The following AGGF1 variants were observed in gnomAD, a reference collection of about 807,000 sequenced individuals.
AGGF1 encodes the protein angiogenic factor with G patch and FHA domains 1.
Under a neutral mutation model 86.5 loss-of-function variants are expected in AGGF1, and 56 were observed. The observed-to-expected ratio is 0.65, with a 90% CI of 0.52 to 0.81. The LOEUF (loss-of-function observed/expected upper bound fraction) is 0.81. Ranked by LOEUF, AGGF1 falls within the 30% of genes least tolerant of loss-of-function variation. The pLI is 0.00. For synonymous variants in AGGF1, 313 were observed against 297.1 expected, an observed-to-expected ratio of 1.05 and a Z score of -0.55; for missense variants, 816 against 850.9, an observed-to-expected ratio of 0.96 and a Z score of 0.51.
At chr5:77,032,069 C>T (rs1746864296) in intron 1 of AGGF1, among the ~76,000 whole-genome samples, 1 of 152,066 alleles carries the variant, frequency 6.6e-6, no homozygotes, top group South Asian at 2.1e-4. Flanking sequence ...AGGCTGAACA[C>T]TGAAACGTCA....
At chr5:77,036,260 C>G (rs543505108) in intron 3 of AGGF1, among the ~76,000 whole-genome samples, 48 of 152,182 alleles carry the variant, frequency 3.2e-4, no homozygotes, top group Non-Finnish European at 5.0e-4. Flanking sequence ...AGATCTTTGT[C>G]TTAGCCAATA....
At chr5:77,054,151 G>A (rs754990421) in intron 10 of AGGF1, 21 bp downstream of exon 10, 2 of 1,613,840 alleles carry the variant, frequency 1.2e-6, no homozygotes, top group African/African-American at 2.7e-5. Flanking sequence ...CAGATTAAAT[G>A]TGGCTGTGAT....
chr5:77,036,555 G>A lies in AGGF1; in HGVS notation c.517-1G>A. 6.2e-7 allele frequency: 1 copy of A among 1,613,886 alleles called. No homozygotes were observed. ...ATTTGGCATGACTATATCTTTTATAGGAGCCAGCATCTGCATTAGCAACAG... is the reference window on the plus strand; with the variant it reads ...ATTTGGCATGACTATATCTTTTATAAGAGCCAGCATCTGCATTAGCAACAG... On this transcript the variant is annotated splice_acceptor_variant, in intron 3 of 13. Transcript: ENST00000312916. LOFTEE classifies it high-confidence loss of function.
rs778096366 is a variant in AGGF1, at chr5:77,039,670, TGAA to T, written c.828_830del (p.Lys277del). Reference sequence around the variant, plus strand: ...ACAAAACAAAGTAAAGATAAAAAATTGAAGAAGAAAAGAAAAGATCCAGATTCT... The same window carrying T: ...ACAAAACAAAGTAAAGATAAAAAATTGAAGAAAAGAAAAGATCCAGATTCT... On this transcript the variant is annotated inframe_deletion, in exon 5 of 14. Coordinates refer to ENST00000312916, the MANE Select transcript of AGGF1 (RefSeq NM_018046.5). 3 of 1,611,980 alleles carry T rather than the reference TGAA, an allele frequency of 1.9e-6. No homozygotes were observed. The highest frequency in any genetic ancestry group is 1.1e-5 in the South Asian group (1 of 90,384).
At chr5:77,033,909 C>T (rs1451468946) in intron 1 of AGGF1, among the ~76,000 whole-genome samples, 2 of 152,128 alleles carry the variant, frequency 1.3e-5, no homozygotes, top group Admixed American at 1.3e-4. Context: ...GACAGATGCC[C>T]CTCTCAGGCC....
rs1458270606 is a variant in AGGF1, at chr5:77,055,612, A to G, written c.1716+16A>G. ...TGGTTTACAGGTGAGGATGTTGAAT[A>G]TTGTTTCATTTGTTAAGCTGTATAT... is the stretch of plus-strand genomic sequence containing the variant. On this transcript the variant is annotated intron_variant, in intron 11 of 13. Coordinates refer to ENST00000312916, the MANE Select transcript of AGGF1 (RefSeq NM_018046.5). The G allele has an allele frequency of 6.5e-7, 1 of 1,527,760 alleles. No homozygotes were observed. Among genetic ancestry groups the G allele is most frequent in the Non-Finnish European group, 9.1e-7 (1 of 1,104,372 alleles). The allele number at this position is 1,527,760 out of a possible 1,614,324, so 94.6% of individuals were successfully genotyped here.
intron 10 of AGGF1, among the ~76,000 whole-genome samples, chr5:77,054,793 G>A (rs891465075): frequency 2.0e-5 from 3 of 152,104 alleles, no homozygotes; most frequent in African/African-American, 4.8e-5. Context: ...ATGTATTGAT[G>A]TAAAAAAAGT....
In AGGF1 at chr5:77,030,791, C is replaced by G. The variant is rs1464950524; in HGVS notation, c.25C>G (p.Pro9Ala). Residue 9 changes from proline (P) to alanine (A), a missense_variant, in exon 1 of 14, where the codon CCG (proline) becomes GCG (alanine). Around this residue, in one of 3 missense-constraint regions of AGGF1, gnomAD observed 240 missense variants for 234.4 expected, o/e 1.02. Coordinates refer to ENST00000312916, the MANE Select transcript of AGGF1 (RefSeq NM_018046.5). ...CATGGCCTCGGAGGCGCCGTCCCCGCCGCGGTCGCCGCCGCCGCCCACCTC... is the reference window on the plus strand; with the variant it reads ...CATGGCCTCGGAGGCGCCGTCCCCGGCGCGGTCGCCGCCGCCGCCCACCTC... MASEAPSPPRSPPPPTSPE... is the reference protein window; with the variant it reads MASEAPSPARSPPPPTSPE... 4 of 1,590,658 alleles carry G rather than the reference C, an allele frequency of 2.5e-6. No individual in the cohort carries two copies. Among genetic ancestry groups the G allele is most frequent in the Non-Finnish European group, 3.4e-6 (4 of 1,172,892 alleles).
chr5:77,038,512 T>A (rs1310873766), intron 4 of AGGF1, among the ~76,000 whole-genome samples: 1 of 152,136 alleles, frequency 6.6e-6, no homozygotes, highest in Non-Finnish European at 1.5e-5. Flanking sequence ...ATAAACAGAT[T>A]TAAAAGGTTT....
chr5:77,061,115 T>C (rs56119622), intron 12 of AGGF1, among the ~76,000 whole-genome samples: 18,687 of 152,116 alleles, frequency 0.12, 1,239 homozygotes, highest in East Asian at 0.28. Context: ...TATAAGTATA[T>C]AGCTCAATGA....
At position 77,063,291 on chromosome 5, in the gene AGGF1, A is replaced by C. The variant is rs778393247; in HGVS notation, c.*39A>C. 1.3e-6 allele frequency: 2 copies of C among 1,588,492 alleles called. No individual in the cohort carries two copies. Among genetic ancestry groups the C allele is most frequent in the Non-Finnish European group, 8.6e-7 (1 of 1,162,436 alleles). ...AAAAAAAACCTCTAGTTTTTTTAAAAATAGAATTTGGAAACTTATTTTTTC... is the reference window on the plus strand; with the variant it reads ...AAAAAAAACCTCTAGTTTTTTTAAACATAGAATTTGGAAACTTATTTTTTC... On this transcript the variant is annotated 3_prime_UTR_variant, in exon 14 of 14. Coordinates refer to ENST00000312916, the MANE Select transcript of AGGF1 (RefSeq NM_018046.5).
At chr5:77,057,154 C>T (rs894620037) in intron 11 of AGGF1, among the ~76,000 whole-genome samples, 4 of 152,164 alleles carry the variant, frequency 2.6e-5, no homozygotes, top group Admixed American at 2.6e-4. Flanking sequence ...TCATACACTG[C>T]TGGTGGGAAT....
chr5:77,040,859 T>TCTGTC (rs1392557193), intron 5 of AGGF1, among the ~76,000 whole-genome samples: 1 of 152,166 alleles, frequency 6.6e-6, no homozygotes, highest in Non-Finnish European at 1.5e-5. Flanking sequence ...GTTCTGTCCT[T>TCTGTC]CTGTCCTGTC....
rs759859678 is a variant in AGGF1, at chr5:77,063,238, G to T, written c.2131G>T (p.Gly711Trp). Residue 711 changes from glycine to tryptophan, a missense_variant, in exon 14 of 14, where the codon GGG becomes TGG. Gly to Trp is a radical substitution (Grantham distance 184). Coordinates refer to ENST00000312916, the MANE Select transcript of AGGF1 (RefSeq NM_018046.5). ...DDPGTMPWVKGTLE is the reference protein window; with the variant it reads ...DDPGTMPWVKWTLE ...CCCAGGGACCATGCCTTGGGTAAAA[G>T]GGACTTTAGAGTGAAGGCTAATCAT... 1 of 1,613,660 alleles carries T rather than the reference G, an allele frequency of 6.2e-7. No individual in the cohort carries two copies. The highest frequency in any genetic ancestry group is 8.5e-7 in the Non-Finnish European group (1 of 1,179,772).
At position 77,030,783 on chromosome 5, in the gene AGGF1, C is replaced by A. The variant is rs755297648; in HGVS notation, c.17C>A (p.Pro6Gln). Residue 6 changes from proline (P) to glutamine (Q), a missense_variant, in exon 1 of 14, where the codon CCG becomes CAG. By Grantham distance (76) the Pro-to-Gln change is moderately conservative (BLOSUM62 -1). Around this residue, in one of 3 missense-constraint regions of AGGF1, gnomAD observed 240 missense variants for 234.4 expected, o/e 1.02. Transcript: ENST00000312916. ...CCGGAGCTCATGGCCTCGGAGGCGC[C>A]GTCCCCGCCGCGGTCGCCGCCGCCG... is the stretch of plus-strand genomic sequence containing the variant. Reference protein sequence around the residue: MASEAPSPPRSPPPPT... With the variant: MASEAQSPPRSPPPPT... The A allele has an allele frequency of 1.3e-6, 2 of 1,583,034 alleles. No homozygotes were observed. Among genetic ancestry groups the A allele is most frequent in the African/African-American group, 1.3e-5 (1 of 74,450 alleles).
At chr5:77,054,169 CTCTT>C (rs768408485) in intron 10 of AGGF1, 39 bp downstream of exon 10, 1 of 1,610,010 alleles carries the variant, frequency 6.2e-7, no homozygotes, top group Non-Finnish European at 8.5e-7. Flanking sequence ...GATAACATTT[CTCTT>C]TCATTACCTA....
intron 4 of AGGF1, among the ~76,000 whole-genome samples, 189 bp from the exon 5 acceptor site, chr5:77,039,342 A>G (rs934321662): frequency 6.6e-6 from 1 of 152,174 alleles, no homozygotes; most frequent in African/African-American, 2.4e-5. Context: ...GGAAAATTAG[A>G]TCAGTTATTG....
At chr5:77,044,743 A>G (rs1747213002) in intron 5 of AGGF1, among the ~76,000 whole-genome samples, 1 of 152,102 alleles carries the variant, frequency 6.6e-6, no homozygotes, top group South Asian at 2.1e-4. Flanking sequence ...GTGAATTTGT[A>G]TTGCTAGAAG....
At chr5:77,034,559 A>T (rs779519652) in intron 2 of AGGF1, 39 bp downstream of exon 2, 2 of 1,303,864 alleles carry the variant, frequency 1.5e-6, no homozygotes, top group East Asian at 2.3e-5. Context: ...ACACTGTTAC[A>T]TTCAAATCAT....
Sources: allele counts gnomAD v4.1 joint callset (sites outside exome capture counted in the v4.1 genomes callset), GRCh38; gene constraint gnomAD v4.1.1; regional missense constraint gnomAD v4.1.1; transcripts MANE v1.5; gene names NCBI Gene and HGNC (gene_info 2026-07-23, HGNC 2026-07-21).